ANKS1B: variants seen among roughly 807,000 people sequenced by gnomAD.
ANKS1B encodes ankyrin repeat and sterile alpha motif domain-containing protein 1B.
A neutral mutation model predicts 148.3 loss-of-function variants in ANKS1B; 36 were observed. The observed-to-expected ratio is 0.24, with a 90% confidence interval of 0.19 to 0.32. ANKS1B has a LOEUF of 0.32. Among genes scored for constraint, ANKS1B ranks in the 10% least tolerant of loss-of-function variants. The pLI, the probability that ANKS1B is intolerant of heterozygous loss-of-function variation, is 1.00. For synonymous variants in ANKS1B, 542 were observed against 560.8 expected, an observed-to-expected ratio of 0.97 and a Z score of 0.47; for missense variants, 1,157 against 1,542.6, an observed-to-expected ratio of 0.75 and a Z score of 4.19.
intron 10 of ANKS1B, among the ~76,000 whole-genome samples, chr12:99,450,377 T>A (rs2095712059): frequency 6.6e-6 from 1 of 152,172 alleles, no homozygotes; most frequent in Admixed American, 6.5e-5. Flanking sequence ...GCCAAATGTG[T>A]GGGCATCTCA....
intron 9 of ANKS1B, among the ~76,000 whole-genome samples, chr12:99,627,249 T>TG (rs2098119577): frequency 1.3e-5 from 2 of 152,228 alleles, no homozygotes; most frequent in South Asian, 4.1e-4. Context: ...CTTTACCTTT[T>TG]TATGTTTACT....
intron 12 of ANKS1B, among the ~76,000 whole-genome samples, chr12:99,278,990 C>G (rs1047211548): frequency 6.6e-6 from 1 of 152,086 alleles, no homozygotes; most frequent in East Asian, 1.9e-4. Flanking sequence ...CACTAGATTG[C>G]GAATCCCCTG....
chr12:99,199,502 AGCCAGTCTTATTACTCTACT>A (rs1372117043), intron 14 of ANKS1B, among the ~76,000 whole-genome samples: 1 of 152,118 alleles, frequency 6.6e-6, no homozygotes, highest in African/African-American at 2.4e-5. Context: ...CAAAATAAAG[AGCCAGTCTTATTACTCTACT>A]GCCAATTCTC....
chr12:99,474,123 C>G (rs913171052), intron 10 of ANKS1B, among the ~76,000 whole-genome samples: 4 of 151,952 alleles, frequency 2.6e-5, no homozygotes, highest in African/African-American at 7.2e-5. Context: ...TAATATTTTG[C>G]TTAGACTTAG....
At chr12:99,852,679 AC>A (rs1215214103) in intron 1 of ANKS1B, among the ~76,000 whole-genome samples, 1 of 152,152 alleles carries the variant, frequency 6.6e-6, no homozygotes, top group Non-Finnish European at 1.5e-5. Flanking sequence ...TCCAAGAACT[AC>A]CATAGGAACA....
chr12:99,206,918 C>T (rs1010041835), intron 14 of ANKS1B, among the ~76,000 whole-genome samples: 15 of 152,186 alleles, frequency 9.9e-5, no homozygotes, highest in Admixed American at 1.3e-4. Flanking sequence ...GAGTACTGGT[C>T]TAAACAAGCC....
chr12:99,341,860 G>A (rs1452412737), intron 12 of ANKS1B, among the ~76,000 whole-genome samples: 1 of 152,066 alleles, frequency 6.6e-6, no homozygotes, highest in Non-Finnish European at 1.5e-5. Flanking sequence ...CAGGTATTCT[G>A]ATCAACATTC....
chr12:98,971,244 C>G (rs190505211), intron 17 of ANKS1B, among the ~76,000 whole-genome samples: 1 of 152,318 alleles, frequency 6.6e-6, no homozygotes, highest in East Asian at 1.9e-4. Flanking sequence ...CTCTAAAGCC[C>G]AGGCTCTTAA....
At chr12:99,017,691 C>A (rs544767446) in intron 17 of ANKS1B, among the ~76,000 whole-genome samples, 1 of 152,152 alleles carries the variant, frequency 6.6e-6, no homozygotes, top group Non-Finnish European at 1.5e-5. Context: ...AAGCTCCAAG[C>A]CTTCAGGGAG....
chr12:98,928,267 G>A (rs2152947823), intron 17 of ANKS1B, among the ~76,000 whole-genome samples: 1 of 150,630 alleles, frequency 6.6e-6, no homozygotes, highest in East Asian at 2.0e-4. Context: ...ATATAACAAG[G>A]ATAGAGATTG....
chr12:99,876,341 C>T (rs1385533673), intron 1 of ANKS1B, among the ~76,000 whole-genome samples: 2 of 152,128 alleles, frequency 1.3e-5, no homozygotes, highest in Non-Finnish European at 2.9e-5. Flanking sequence ...ACCCTCTCTG[C>T]TTAGGAAGAC....
intron 12 of ANKS1B, among the ~76,000 whole-genome samples, chr12:99,321,226 C>G (rs2085201213): frequency 6.6e-6 from 1 of 152,210 alleles, no homozygotes; most frequent in Non-Finnish European, 1.5e-5. Context: ...CTACTCTCTT[C>G]AAAGCTGTCA....
At chr12:99,872,355 C>G (rs2091617795) in intron 1 of ANKS1B, among the ~76,000 whole-genome samples, 1 of 152,054 alleles carries the variant, frequency 6.6e-6, no homozygotes, top group Non-Finnish European at 1.5e-5. Flanking sequence ...TCTTTTGCTT[C>G]ATAATAATTC....
intron 17 of ANKS1B, among the ~76,000 whole-genome samples, chr12:98,856,426 C>T (rs2099572070): frequency 6.6e-6 from 1 of 152,144 alleles, no homozygotes; most frequent in Admixed American, 6.5e-5. Context: ...ATTCATCTTT[C>T]TCAGCTTTAG....
chr12:99,037,546 A>G (rs1354801460), intron 17 of ANKS1B, among the ~76,000 whole-genome samples: 1 of 152,116 alleles, frequency 6.6e-6, no homozygotes, highest in Non-Finnish European at 1.5e-5. Flanking sequence ...TTGGTTGGTG[A>G]ACTGAATTTT....
chr12:99,790,868 C>T (rs761371943), intron 4 of ANKS1B, among the ~76,000 whole-genome samples: 72 of 151,338 alleles, frequency 4.8e-4, no homozygotes, highest in Non-Finnish European at 7.5e-4. Context: ...GAGCAGACCG[C>T]CAAAAAAAGA....
chr12:99,619,819 C>T (rs1055982043), intron 9 of ANKS1B, among the ~76,000 whole-genome samples: 1 of 152,172 alleles, frequency 6.6e-6, no homozygotes, highest in African/African-American at 2.4e-5. Context: ...TGCTTGGAGG[C>T]CACCCACTGG....
chr12:99,215,004 CTGG>C (rs2083937757), intron 14 of ANKS1B, among the ~76,000 whole-genome samples: 2 of 152,156 alleles, frequency 1.3e-5, no homozygotes. Flanking sequence ...ATTAGGGTAC[CTGG>C]TGGAAGAAAT....
chr12:99,912,587 A>G (rs1265949259), intron 1 of ANKS1B, among the ~76,000 whole-genome samples: 1 of 152,088 alleles, frequency 6.6e-6, no homozygotes, highest in Admixed American at 6.5e-5. Flanking sequence ...CCCGGCCTTA[A>G]GCAATCTGCC....
Sources: allele counts gnomAD v4.1 joint callset (sites outside exome capture counted in the v4.1 genomes callset), GRCh38; gene constraint gnomAD v4.1.1; transcripts MANE v1.5; gene names NCBI Gene and HGNC (gene_info 2026-07-23, HGNC 2026-07-21).